PLPPR1: variants seen among roughly 807,000 people sequenced by gnomAD.
The protein encoded by PLPPR1 is phospholipid phosphatase-related protein type 1.
A neutral mutation model predicts 33.1 loss-of-function variants in PLPPR1; 10 were observed. The observed-to-expected ratio is 0.30, with a 90% CI of 0.19 to 0.51. The LOEUF (loss-of-function observed/expected upper bound fraction) is 0.51. PLPPR1 is among the 20% of genes least tolerant of loss of function. The probability of loss-of-function intolerance (pLI) is 0.97; values close to 1 mark genes in which losing one functional copy is unlikely to be tolerated. For synonymous variants in PLPPR1, 151 were observed against 151.0 expected (o/e 1.00, Z 0.00); for missense variants, 304 against 408.1 (o/e 0.74, Z 2.20).
rs528560449 is a variant in PLPPR1, at chr9:101,294,086, T to C, written c.385+7850T>C. On this transcript the variant is annotated intron_variant, in intron 4 of 7. Transcript: ENST00000374874. ...ACTAATAAAGAAGAAAAGAGAAGAA[T>C]CAAATAGATGCAATAAAAAATGATA... Among the ~76,000 whole-genome samples the C allele has an allele frequency of 1.1e-4, 16 of 151,324 alleles. No homozygotes were observed. In the South Asian group the frequency reaches 3.1e-3, roughly 30 times the overall value.
chr9:101,298,767 G>T (rs1363384256), intron 4 of PLPPR1, among the ~76,000 whole-genome samples: 1 of 151,988 alleles, frequency 6.6e-6, no homozygotes, highest in East Asian at 1.9e-4. Flanking sequence ...TAGTCTGATA[G>T]AAAAAGCCAG....
intron 1 of PLPPR1, among the ~76,000 whole-genome samples, chr9:101,182,981 G>C: frequency 6.6e-6 from 1 of 151,534 alleles, no homozygotes; most frequent in East Asian, 1.9e-4. Context: ...TAATAAAAAA[G>C]ATAAACAATA....
intron 4 of PLPPR1, among the ~76,000 whole-genome samples, chr9:101,295,508 A>T (rs1240710831): frequency 6.6e-6 from 1 of 152,182 alleles, no homozygotes; most frequent in African/African-American, 2.4e-5. Flanking sequence ...ATCCTAAGCC[A>T]AAAGAACAAA....
At chr9:101,205,121 C>A (rs1826565129) in intron 2 of PLPPR1, among the ~76,000 whole-genome samples, 1 of 152,082 alleles carries the variant, frequency 6.6e-6, no homozygotes, top group Non-Finnish European at 1.5e-5. Context: ...AAGATCAATG[C>A]ATGCTTTTAT....
At chr9:101,112,813 C>T (rs1831072775) in intron 1 of PLPPR1, among the ~76,000 whole-genome samples, 1 of 152,160 alleles carries the variant, frequency 6.6e-6, no homozygotes. Flanking sequence ...TTGTCAAATG[C>T]CAGGTGGCAG....
At chr9:101,225,702 C>T (rs1253871603) in intron 2 of PLPPR1, among the ~76,000 whole-genome samples, 1 of 152,016 alleles carries the variant, frequency 6.6e-6, no homozygotes, top group Non-Finnish European at 1.5e-5. Flanking sequence ...AGGCTTCATA[C>T]ACTCAGTTAG....
At chr9:101,253,201 C>A (rs1005555956) in intron 2 of PLPPR1, among the ~76,000 whole-genome samples, 2 of 151,608 alleles carry the variant, frequency 1.3e-5, no homozygotes, top group African/African-American at 4.8e-5. Flanking sequence ...GACTTTTGTA[C>A]AAGAGTCAAC....
At chr9:101,144,032 A>G (rs918330546) in intron 1 of PLPPR1, among the ~76,000 whole-genome samples, 6 of 152,228 alleles carry the variant, frequency 3.9e-5, no homozygotes, top group Non-Finnish European at 7.3e-5. Context: ...TCTATCAATG[A>G]TAGACTGGAT....
chr9:101,184,252 T>C (rs1305052031), intron 1 of PLPPR1, among the ~76,000 whole-genome samples: 1 of 151,884 alleles, frequency 6.6e-6, no homozygotes, highest in African/African-American at 2.4e-5. Context: ...GTGGTTGGTA[T>C]GGATTTATAA....
intron 2 of PLPPR1, among the ~76,000 whole-genome samples, chr9:101,264,398 C>A (rs923171169): frequency 2.0e-5 from 3 of 152,132 alleles, no homozygotes; most frequent in African/African-American, 7.2e-5. Context: ...CCCCATGCAT[C>A]CTCTTCTCCC....
At chr9:101,092,972 T>C (rs1467779062) in intron 1 of PLPPR1, among the ~76,000 whole-genome samples, 2 of 152,120 alleles carry the variant, frequency 1.3e-5, no homozygotes, top group African/African-American at 4.8e-5. Context: ...AAGAGGGCCC[T>C]CACCAGACAC....
chr9:101,317,339 A>G, intron 6 of PLPPR1, 26 bp from the exon 7 acceptor site: 1 of 1,607,766 alleles, frequency 6.2e-7, no homozygotes, highest in Non-Finnish European at 8.5e-7. Flanking sequence ...GTCTGACCCC[A>G]TTCTTTTTTC....
At chr9:101,030,569 T>C (rs555857899) in intron 1 of PLPPR1, among the ~76,000 whole-genome samples, 1 of 152,072 alleles carries the variant, frequency 6.6e-6, no homozygotes, top group East Asian at 1.9e-4. Flanking sequence ...TGGTTGTACC[T>C]GAAAGGCGGG....
At chr9:101,099,321 A>G (rs1830865642) in intron 1 of PLPPR1, among the ~76,000 whole-genome samples, 1 of 152,204 alleles carries the variant, frequency 6.6e-6, no homozygotes, top group East Asian at 1.9e-4. Flanking sequence ...TTTGTCTATG[A>G]TCCTGTGATG....
At chr9:101,041,663 G>A (rs1435113562) in intron 1 of PLPPR1, among the ~76,000 whole-genome samples, 4 of 152,152 alleles carry the variant, frequency 2.6e-5, no homozygotes, top group Non-Finnish European at 4.4e-5. Context: ...AGGCAGCTCT[G>A]TGGAGGACTT....
At chr9:101,029,719 G>A (rs1350775409) in intron 1 of PLPPR1, among the ~76,000 whole-genome samples, 1 of 152,152 alleles carries the variant, frequency 6.6e-6, no homozygotes, top group Non-Finnish European at 1.5e-5. Context: ...TGAGGCTCGG[G>A]TCAGTGCGGG....
At chr9:101,266,909 C>A (rs1036731893) in intron 2 of PLPPR1, among the ~76,000 whole-genome samples, 1 of 152,142 alleles carries the variant, frequency 6.6e-6, no homozygotes, top group Non-Finnish European at 1.5e-5. Context: ...CCATAAAATA[C>A]AATCCTCTTC....
intron 2 of PLPPR1, among the ~76,000 whole-genome samples, chr9:101,203,139 G>C (rs923274280): frequency 2.6e-5 from 4 of 152,198 alleles, no homozygotes; most frequent in African/African-American, 9.6e-5. Context: ...TGGGGGCAGT[G>C]CCACCTCTAA....
At chr9:101,240,711 C>T (rs142384057) in intron 2 of PLPPR1, among the ~76,000 whole-genome samples, 125 of 152,078 alleles carry the variant, frequency 8.2e-4, no homozygotes, top group African/African-American at 2.7e-3. Context: ...CAGTGTCAGA[C>T]GAGGATTTCC....
Sources: gnomAD v4.1 joint callset for allele counts (sites outside exome capture counted in the v4.1 genomes callset) on GRCh38, gnomAD v4.1.1 for gene constraint, MANE v1.5 for transcripts, NCBI Gene and HGNC (gene_info 2026-07-23, HGNC 2026-07-21) for gene names.